VPS45: variants seen among roughly 807,000 people sequenced by gnomAD.
VPS45 encodes vacuolar protein sorting-associated protein 45.
VPS45 carries 35 observed loss-of-function variants against 75.9 expected under a neutral mutation model. The ratio of observed to expected loss-of-function variants is 0.46; its 90% confidence interval spans 0.35 to 0.61. The LOEUF is 0.61. Among genes scored for constraint, VPS45 ranks in the 20% least tolerant of loss-of-function variants. The pLI is 0.00. For synonymous variants in VPS45, 220 were observed against 238.2 expected (o/e 0.92, Z 0.70); for missense variants, 559 against 685.9 (o/e 0.81, Z 2.07).
intron 10 of VPS45, among the ~76,000 whole-genome samples, chr1:150,086,442 A>C (rs2101549196): frequency 6.6e-6 from 1 of 152,252 alleles, no homozygotes; most frequent in South Asian, 2.1e-4. Context: ...TTTTTAGTTC[A>C]GTGATAGCCT....
Position 150,077,779 on chromosome 1 carries a change from G to C in VPS45, c.687G>C (p.Gln229His), listed in dbSNP as rs200019200. Reference protein sequence around the residue: ...CDDAITPLLNQWTYQAMVHEL... With the variant: ...CDDAITPLLNHWTYQAMVHEL... Reference sequence around the variant, plus strand: ...ATGCCATCACCCCATTGCTAAACCAGGTACAAAACCCTTTCTTGGCATAAT... The same window carrying C: ...ATGCCATCACCCCATTGCTAAACCACGTACAAAACCCTTTCTTGGCATAAT... The change falls in exon 7 of 15, where the codon CAG becomes CAC. Residue 229 changes from glutamine (Q) to histidine (H), a missense_variant and splice_region_variant. Physicochemically the swap from Gln to His is conservative, Grantham distance 24. Coordinates refer to ENST00000644510, the MANE Select transcript of VPS45 (RefSeq NM_007259.5). 3.2e-5 allele frequency: 52 copies of C among 1,608,014 alleles called. No homozygotes were observed. The highest frequency in any genetic ancestry group is 3.6e-5 in the Non-Finnish European group (42 of 1,174,886).
At chr1:150,099,857 A>G (rs1364481769) in intron 13 of VPS45, among the ~76,000 whole-genome samples, 1 of 144,054 alleles carries the variant, frequency 6.9e-6, no homozygotes, top group African/African-American at 2.6e-5. Flanking sequence ...AAAAAGAGCC[A>G]TCTATGACAA....
rs183145945 is a variant in VPS45 at position 150,128,887 on chromosome 1, G to A, written c.1626-15822G>A. 4.7e-4 allele frequency among the ~76,000 whole-genome samples: 71 copies of A among 152,236 alleles called. 1 individual carries two copies. Among genetic ancestry groups the A allele is most frequent in the South Asian group, 2.1e-4 (1 of 4,826 alleles). On this transcript the variant is annotated intron_variant, in intron 14 of 14. Transcript: ENST00000644510. ...CCCAAGTAGCTAGGACTACAAGTGC[G>A]TGCCACCACGCCTGGCTAATTATTT...
chr1:150,125,884 C>T (rs1658490428), intron 14 of VPS45, among the ~76,000 whole-genome samples: 3 of 151,988 alleles, frequency 2.0e-5, no homozygotes, highest in Admixed American at 1.3e-4. Flanking sequence ...GACGGGCTTT[C>T]ACCATCTTGG....
At chr1:150,103,477 G>A (rs782584516) in intron 13 of VPS45, among the ~76,000 whole-genome samples, 10 of 152,220 alleles carry the variant, frequency 6.6e-5, no homozygotes, top group African/African-American at 1.4e-4. Context: ...TCATCTTTGC[G>A]AGGTACACAA....
chr1:150,072,384 C>T (rs1013758931), intron 3 of VPS45, among the ~76,000 whole-genome samples, 158 bp downstream of exon 3: 5 of 151,994 alleles, frequency 3.3e-5, no homozygotes, highest in African/African-American at 7.2e-5. Flanking sequence ...TTTGACCTGC[C>T]GGGCGCGGTG....
At chr1:150,118,407 G>GTT (rs1200053949) in intron 14 of VPS45, among the ~76,000 whole-genome samples, 1 of 151,540 alleles carries the variant, frequency 6.6e-6, no homozygotes, top group Non-Finnish European at 1.5e-5. Context: ...CCTGACAAAT[G>GTT]ACCTTTTGTT....
upstream of VPS45, chr1:150,067,668 A>G: frequency 1.8e-6 from 1 of 547,690 alleles, no homozygotes; most frequent in South Asian, 2.6e-5. Context: ...GGATTTTTCC[A>G]TCCCCGGGGT....
rs1040563934 is a variant in VPS45 at position 150,137,223 on chromosome 1, A to G, written c.1626-7486A>G. Among the ~76,000 whole-genome samples, 10 of 152,298 alleles carry G rather than the reference A, an allele frequency of 6.6e-5. No individual in the cohort carries two copies. In the East Asian group the frequency reaches 1.9e-3, roughly 29 times the overall value. On this transcript the variant is annotated intron_variant, in intron 14 of 14. Transcript: ENST00000644510. Reference sequence around the variant, plus strand: ...GCCTCAGATGTAGATGTTGAATGCCAACCTATTCCCTTGCTCCTGATAAAA... The same window carrying G: ...GCCTCAGATGTAGATGTTGAATGCCGACCTATTCCCTTGCTCCTGATAAAA...
intron 3 of VPS45, among the ~76,000 whole-genome samples, chr1:150,073,735 A>G (rs782268722): frequency 1.8e-4 from 27 of 152,120 alleles, no homozygotes; most frequent in Non-Finnish European, 3.5e-4. Flanking sequence ...ATAGTACAAT[A>G]TCACAACCAA....
At chr1:150,076,672 A>C (rs1006879494) in intron 4 of VPS45, 1 of 561,306 alleles carries the variant, frequency 1.8e-6, no homozygotes, top group Non-Finnish European at 3.1e-6. Flanking sequence ...GGTCTCCAGA[A>C]ATATAATGTG....
intron 14 of VPS45, among the ~76,000 whole-genome samples, chr1:150,137,441 G>A (rs1021263142): frequency 3.9e-5 from 6 of 152,306 alleles, no homozygotes; most frequent in Non-Finnish European, 8.8e-5. Context: ...TTAGGAGGAA[G>A]AAAACCCGCT....
chr1:150,074,218 C>T (rs1553797616), intron 3 of VPS45, among the ~76,000 whole-genome samples: 3 of 151,724 alleles, frequency 2.0e-5, no homozygotes, highest in Admixed American at 2.0e-4. Context: ...AGGGTTTCAC[C>T]GTGTTGGTTG....
At chr1:150,125,833 G>A (rs1399258726) in intron 14 of VPS45, among the ~76,000 whole-genome samples, 1 of 151,460 alleles carries the variant, frequency 6.6e-6, no homozygotes, top group African/African-American at 2.4e-5. Context: ...GATTATAGGC[G>A]CCTGCCACCA....
At chr1:150,125,854 ATT>A (rs1190574936) in intron 14 of VPS45, among the ~76,000 whole-genome samples, 2 of 151,498 alleles carry the variant, frequency 1.3e-5, no homozygotes, top group Non-Finnish European at 2.9e-5. Context: ...CTCCCAGCTA[ATT>A]TTTGTATTTT....
chr1:150,103,107 G>A (rs1011663411), intron 13 of VPS45, among the ~76,000 whole-genome samples: 1 of 150,726 alleles, frequency 6.6e-6, no homozygotes, highest in African/African-American at 2.4e-5. Flanking sequence ...GATTATCCTT[G>A]TATATCTCTA....
At chr1:150,075,573 G>C (rs1655329898) in intron 3 of VPS45, among the ~76,000 whole-genome samples, 2 of 152,130 alleles carry the variant, frequency 1.3e-5, no homozygotes, top group Admixed American at 1.3e-4. Flanking sequence ...AAAAAATGAT[G>C]ATATTCTAAT....
chr1:150,102,050 A>C (rs1455497151), intron 13 of VPS45, among the ~76,000 whole-genome samples: 1 of 146,792 alleles, frequency 6.8e-6, no homozygotes, highest in African/African-American at 2.5e-5. Context: ...CAGCCTGGCC[A>C]ACATGGTGAA....
chr1:150,134,262 C>G (rs1436220337), intron 14 of VPS45, among the ~76,000 whole-genome samples: 2 of 152,156 alleles, frequency 1.3e-5, no homozygotes, highest in African/African-American at 4.8e-5. Flanking sequence ...TTGGAAAACA[C>G]TCTATCCTTC....
Sources: gnomAD v4.1 joint callset for allele counts (sites outside exome capture counted in the v4.1 genomes callset) on GRCh38, gnomAD v4.1.1 for gene constraint, MANE v1.5 for transcripts, NCBI Gene and HGNC (gene_info 2026-07-23, HGNC 2026-07-21) for gene names.